NKAIN2: variants seen among roughly 807,000 people sequenced by gnomAD.
The protein encoded by NKAIN2 is sodium/potassium transporting ATPase interacting 2, also known as sodium/potassium-transporting ATPase subunit beta-1-interacting protein 2.
NKAIN2 carries 14 observed loss-of-function variants against 32.6 expected under a neutral mutation model. The observed-to-expected ratio is 0.43, with a 90% CI of 0.28 to 0.67. The LOEUF (loss-of-function observed/expected upper bound fraction) is 0.67, where lower values mean the gene tolerates loss of function less well. Among genes scored for constraint, NKAIN2 ranks in the 30% least tolerant of loss-of-function variants. The pLI is 0.17. For missense variants in NKAIN2, 198 were observed against 258.3 expected, an observed-to-expected ratio of 0.77 and a Z score of 1.60; for synonymous variants, 80 against 87.2, an observed-to-expected ratio of 0.92 and a Z score of 0.46.
chr6:123,906,979 T>C (rs1286313119), intron 1 of NKAIN2, among the ~76,000 whole-genome samples: 1 of 152,198 alleles, frequency 6.6e-6, no homozygotes, highest in Non-Finnish European at 1.5e-5. Flanking sequence ...TAAGCTAAAG[T>C]TGCAATCAAA....
At chr6:124,496,040 A>G (rs1377909822) in intron 3 of NKAIN2, among the ~76,000 whole-genome samples, 1 of 152,178 alleles carries the variant, frequency 6.6e-6, no homozygotes, top group African/African-American at 2.4e-5. Context: ...TCTGAAAAAA[A>G]CTGTTCTTTT....
intron 1 of NKAIN2, among the ~76,000 whole-genome samples, chr6:123,828,562 A>G (rs190793415): frequency 6.6e-5 from 10 of 152,298 alleles, no homozygotes; most frequent in Admixed American, 6.5e-4. Context: ...ATTCTATGTC[A>G]TTCCCCTGCT....
rs150130777 is a variant in NKAIN2, at chr6:123,979,879, G to GTT, written c.54+175631_54+175632dup. Among the ~76,000 whole-genome samples the GTT allele has an allele frequency of 2.4e-3, 366 of 151,950 alleles. 3 individuals carry two copies. The highest frequency in any genetic ancestry group is 8.5e-3 in the African/African-American group (352 of 41,416). Reference sequence around the variant, plus strand: ...TCTAGCTCTTGTTTGTGTCTACCTTGTTTTTTTCTCTCTCTCTCTCCAGTT... The same window carrying GTT: ...TCTAGCTCTTGTTTGTGTCTACCTTGTTTTTTTTTCTCTCTCTCTCTCCAGTT... On this transcript the variant is annotated intron_variant, in intron 1 of 6. Transcript: ENST00000368417.
rs188384111 is a variant in NKAIN2 at position 124,147,723 on chromosome 6, C to A, written c.55-135282C>A. ...AGTTTTGAAACATCTCCAGCTGATA[C>A]GTGTTTGCTGTGGAAGCTTGTTCGT... On this transcript the variant is annotated intron_variant, in intron 1 of 6. Coordinates refer to ENST00000368417, the MANE Select transcript of NKAIN2 (RefSeq NM_001040214.3). Among the ~76,000 whole-genome samples, 390 of 152,216 alleles carry A rather than the reference C, an allele frequency of 2.6e-3. 2 individuals carry two copies. The highest frequency in any genetic ancestry group is 3.8e-3 in the Non-Finnish European group (261 of 67,998).
chr6:124,462,680 T>C (rs1024391933), intron 3 of NKAIN2, among the ~76,000 whole-genome samples: 3 of 152,022 alleles, frequency 2.0e-5, no homozygotes, highest in Non-Finnish European at 2.9e-5. Context: ...ATTTTTAAAG[T>C]ATTTTTTTAC....
intron 1 of NKAIN2, among the ~76,000 whole-genome samples, chr6:124,098,456 TATC>T (rs1339785534): frequency 6.6e-6 from 1 of 152,216 alleles, no homozygotes. Flanking sequence ...TTCTAGTTAA[TATC>T]AACAATATAC....
intron 1 of NKAIN2, among the ~76,000 whole-genome samples, chr6:124,245,981 C>T (rs1793375255): frequency 6.6e-6 from 1 of 152,046 alleles, no homozygotes; most frequent in Non-Finnish European, 1.5e-5. Context: ...CTGGTATATG[C>T]TCACAAAAGA....
intron 2 of NKAIN2, among the ~76,000 whole-genome samples, chr6:124,335,785 C>A (rs1159626205): frequency 6.6e-6 from 1 of 152,072 alleles, no homozygotes; most frequent in Non-Finnish European, 1.5e-5. Context: ...TATGATATTT[C>A]CAATGAGACA....
At chr6:124,818,005 A>G (rs1251666883) in intron 5 of NKAIN2, among the ~76,000 whole-genome samples, 1 of 152,186 alleles carries the variant, frequency 6.6e-6, no homozygotes, top group African/African-American at 2.4e-5. Flanking sequence ...ATTTATATTT[A>G]TATGCTGTAA....
chr6:124,672,431 AATCTTTGTCC>A (rs779329339), intron 4 of NKAIN2, among the ~76,000 whole-genome samples: 2 of 152,066 alleles, frequency 1.3e-5, no homozygotes, highest in Non-Finnish European at 2.9e-5. Context: ...TCTGCTTTGG[AATCTTTGTCC>A]ATCAGTCAAG....
chr6:124,346,318 A>G (rs972511099), intron 2 of NKAIN2, among the ~76,000 whole-genome samples: 30 of 152,144 alleles, frequency 2.0e-4, no homozygotes, highest in South Asian at 1.2e-3. Context: ...CTGTTGATTT[A>G]GGGTGGAGAG....
At chr6:123,835,379 A>AT in intron 1 of NKAIN2, among the ~76,000 whole-genome samples, 1 of 152,178 alleles carries the variant, frequency 6.6e-6, no homozygotes, top group Non-Finnish European at 1.5e-5. Flanking sequence ...CATAGTTGTC[A>AT]TTTTTTAAAA....
At chr6:124,453,676 C>A (rs577734886) in intron 3 of NKAIN2, among the ~76,000 whole-genome samples, 3 of 152,018 alleles carry the variant, frequency 2.0e-5, no homozygotes, top group Non-Finnish European at 4.4e-5. Context: ...ATCTATTGTG[C>A]AAATGATGCT....
intron 1 of NKAIN2, among the ~76,000 whole-genome samples, chr6:124,004,657 A>C (rs1021645888): frequency 6.6e-6 from 1 of 151,960 alleles, no homozygotes; most frequent in Non-Finnish European, 1.5e-5. Context: ...TGGGAATTGA[A>C]CAATGAGAAC....
At chr6:124,039,214 A>G (rs1781750883) in intron 1 of NKAIN2, among the ~76,000 whole-genome samples, 2 of 152,208 alleles carry the variant, frequency 1.3e-5, no homozygotes, top group East Asian at 1.9e-4. Flanking sequence ...TCTGAGAAAT[A>G]ACATTATATA....
intron 3 of NKAIN2, among the ~76,000 whole-genome samples, chr6:124,642,766 G>A (rs75150985): frequency 0.018 from 2,680 of 152,040 alleles, 35 homozygotes; most frequent in South Asian, 0.032. Flanking sequence ...TACTTCCCAG[G>A]GTATGTTTTG....
At chr6:124,192,757 T>G (rs921839589) in intron 1 of NKAIN2, among the ~76,000 whole-genome samples, 8 of 140,198 alleles carry the variant, frequency 5.7e-5, no homozygotes, top group Non-Finnish European at 1.1e-4. Context: ...TTTTTTTTTT[T>G]TTTTTTTTTT....
intron 4 of NKAIN2, among the ~76,000 whole-genome samples, chr6:124,711,009 CT>C (rs1775420779): frequency 6.8e-6 from 1 of 147,078 alleles, no homozygotes; most frequent in East Asian, 2.0e-4. Flanking sequence ...TTCAGGAGCT[CT>C]TTTAGGGCAG....
At chr6:124,173,740 CTCT>C (rs1157450790) in intron 1 of NKAIN2, among the ~76,000 whole-genome samples, 5 of 151,882 alleles carry the variant, frequency 3.3e-5, no homozygotes, top group Non-Finnish European at 7.4e-5. Flanking sequence ...TTGAATATCC[CTCT>C]TCTTTGTTAT....
Sources: allele counts gnomAD v4.1 joint callset (sites outside exome capture counted in the v4.1 genomes callset), GRCh38; gene constraint gnomAD v4.1.1; transcripts MANE v1.5; gene names NCBI Gene and HGNC (gene_info 2026-07-23, HGNC 2026-07-21).